Variants in NCR1 observed in about 807,000 individuals in gnomAD.
NCR1 encodes the protein natural cytotoxicity triggering receptor 1, also known as NK cell-activating receptor.
A neutral mutation model predicts 32.5 loss-of-function variants in NCR1; 30 were observed. The observed-to-expected ratio is 0.92, with a 90% CI of 0.69 to 1.25. The LOEUF is 1.25. Ranked by LOEUF, NCR1 falls within the 50% of genes most tolerant of loss-of-function variation. The pLI is 0.00. For synonymous variants in NCR1, 169 were observed against 143.4 expected (o/e 1.18, Z -1.28); for missense variants, 369 against 380.7 (o/e 0.97, Z 0.26).
downstream of NCR1, among the ~76,000 whole-genome samples, chr19:54,915,345 TATC>T (rs551937628): frequency 4.6e-5 from 7 of 152,260 alleles, no homozygotes; most frequent in South Asian, 1.2e-3. Context: ...AACTTCTACT[TATC>T]AACCCATTTA....
chr19:54,932,871 G>A, the NCR1 span, among the ~76,000 whole-genome samples: 7 of 152,074 alleles, frequency 4.6e-5, no homozygotes, highest in African/African-American at 1.4e-4. Context: ...TGGCCAGGCT[G>A]GTCTCGAACC....
chr19:54,933,250 A>G, the NCR1 span, among the ~76,000 whole-genome samples: 3 of 152,052 alleles, frequency 2.0e-5, no homozygotes, highest in East Asian at 1.9e-4. Flanking sequence ...GGTTCACGCC[A>G]TTCTCCTGTC....
In NCR1 at chr19:54,906,783, A is replaced by G. The variant is rs1436743048; in HGVS notation, c.331A>G (p.Asn111Asp). ...RVGELWSEPS[N>D]LLDLVVTEMY... ...TGGGGAGCTCTGGTCAGAGCCCAGC[A>G]ACTTGCTGGATCTGGTGGTAACAGG... Residue 111 changes from asparagine (N) to aspartate (D), a missense_variant, in exon 3 of 7, where the codon AAC becomes GAC. Transcript: ENST00000291890. 3.7e-6 allele frequency: 6 copies of G among 1,614,018 alleles called. No individual in the cohort carries two copies. In the African/African-American group the frequency reaches 6.7e-5, roughly 18 times the overall value.
the NCR1 span, chr19:54,927,493 T>C: frequency 4.0e-6 from 4 of 994,194 alleles, no homozygotes; most frequent in Non-Finnish European, 4.7e-6. Context: ...GAGGCAGAGG[T>C]TGCGGTGAGC....
chr19:54,908,885 C>A (rs2067788492), intron 3 of NCR1, among the ~76,000 whole-genome samples: 1 of 151,708 alleles, frequency 6.6e-6, no homozygotes. Context: ...CTTCAGTAAG[C>A]AAAGATAGTG....
At chr19:54,915,834 T>G (rs1259969644), downstream of NCR1, 3 of 113,002 alleles carry the variant, frequency 2.7e-5, no homozygotes, top group Middle Eastern at 5.1e-3. Flanking sequence ...AGAGCGAGAC[T>G]CCATCTCAAA....
chr19:54,907,399 C>T (rs1344650295), intron 3 of NCR1, among the ~76,000 whole-genome samples: 2 of 149,836 alleles, frequency 1.3e-5, no homozygotes, highest in African/African-American at 4.9e-5. Context: ...GATCCGCCCG[C>T]CTCACCCTCC....
chr19:54,918,925 G>C (rs966036280), downstream of NCR1, among the ~76,000 whole-genome samples: 11 of 151,208 alleles, frequency 7.3e-5, no homozygotes, highest in African/African-American at 2.4e-4. Context: ...CGGAGGTTGC[G>C]GTGAGCCAAG....
At chr19:54,901,310 G>A (rs587678072), upstream of NCR1, among the ~76,000 whole-genome samples, 25 of 134,988 alleles carry the variant, frequency 1.9e-4, no homozygotes, top group Admixed American at 1.5e-3. Context: ...GCAGAGAGCC[G>A]AGATTGCGCC....
At chr19:54,899,403 C>A in the NCR1 span, among the ~76,000 whole-genome samples, 1 of 151,518 alleles carries the variant, frequency 6.6e-6, no homozygotes, top group African/African-American at 2.4e-5. Flanking sequence ...CTGAAGGAGG[C>A]AAGCACAGAG....
At chr19:54,923,255 T>C in the NCR1 span, among the ~76,000 whole-genome samples, 10 of 152,156 alleles carry the variant, frequency 6.6e-5, no homozygotes, top group Non-Finnish European at 1.3e-4. Flanking sequence ...GTGCCAAGCA[T>C]ATGAACTATC....
chr19:54,933,486 A>C, the NCR1 span: 3 of 1,544,160 alleles, frequency 1.9e-6, no homozygotes, highest in Non-Finnish European at 1.8e-6. Flanking sequence ...TAAAAGTTAC[A>C]TTTGAAATGA....
At chr19:54,909,628 T>C in intron 4 of NCR1, 105 bp downstream of exon 4, 1 of 1,375,616 alleles carries the variant, frequency 7.3e-7, no homozygotes, top group African/African-American at 1.4e-5. Context: ...GACGTCCACT[T>C]CCTGGGTGCC....
chr19:54,924,316 A>G, the NCR1 span, among the ~76,000 whole-genome samples: 2 of 152,172 alleles, frequency 1.3e-5, no homozygotes, highest in South Asian at 2.1e-4. Flanking sequence ...GGGGATCCTT[A>G]TAAGTCTAAG....
At chr19:54,917,208 G>A (rs1336270717), downstream of NCR1, among the ~76,000 whole-genome samples, 3 of 151,646 alleles carry the variant, frequency 2.0e-5, no homozygotes, top group African/African-American at 4.8e-5. Context: ...CCAGCTACTC[G>A]GGAGGCTGAG....
upstream of NCR1, among the ~76,000 whole-genome samples, chr19:54,903,289 T>C (rs1225234295): frequency 2.7e-5 from 4 of 149,724 alleles, 1 homozygote; most frequent in East Asian, 1.9e-4. Context: ...TATATACATA[T>C]ATACACATAT....
At chr19:54,909,670 C>A in intron 4 of NCR1, 147 bp downstream of exon 4, 1 of 996,142 alleles carries the variant, frequency 1.0e-6, no homozygotes, top group Non-Finnish European at 1.4e-6. Context: ...ACACCAGAAG[C>A]AGGAAGGAGG....
upstream of NCR1, among the ~76,000 whole-genome samples, chr19:54,902,519 G>A (rs2067318279): frequency 6.6e-6 from 1 of 151,678 alleles, no homozygotes; most frequent in African/African-American, 2.4e-5. Flanking sequence ...CACCCACCTC[G>A]GCCTCCCAAA....
downstream of NCR1, among the ~76,000 whole-genome samples, chr19:54,913,933 T>G (rs1007032146): frequency 6.6e-6 from 1 of 152,114 alleles, no homozygotes. Context: ...CCAGGTATGG[T>G]GGCGTGTGCT....
Sources: gnomAD v4.1 joint callset for allele counts (sites outside exome capture counted in the v4.1 genomes callset) on GRCh38, gnomAD v4.1.1 for gene constraint, MANE v1.5 for transcripts, NCBI Gene and HGNC (gene_info 2026-07-23, HGNC 2026-07-21) for gene names.